ITGA8: variants seen among roughly 807,000 people sequenced by gnomAD.
ITGA8 encodes the protein integrin subunit alpha 8.
In ITGA8, 91 loss-of-function variants were observed where a neutral mutation model predicts 142.3. The ratio of observed to expected loss-of-function variants is 0.64; its 90% CI spans 0.54 to 0.76. ITGA8 has a LOEUF of 0.76. ITGA8 is among the 30% of genes least tolerant of loss of function. The pLI is 0.00. For synonymous variants in ITGA8, 505 were observed against 485.2 expected (o/e 1.04, Z -0.54); for missense variants, 1,406 against 1,327.7 (o/e 1.06, Z -0.92).
Position 15,659,030 on chromosome 10 carries a change from A to G in ITGA8, c.917T>C (p.Met306Thr). 4 of 1,608,058 alleles carry G rather than the reference A, an allele frequency of 2.5e-6. No homozygotes were observed. Among genetic ancestry groups the G allele is most frequent in the Non-Finnish European group, 3.4e-6 (4 of 1,176,122 alleles). Residue 306 changes from methionine (M) to threonine (T), a missense_variant, in exon 10 of 30, where the codon ATG becomes ACG. Coordinates refer to ENST00000378076, the MANE Select transcript of ITGA8 (RefSeq NM_003638.3). ...TCCCGTGAAATTCTGAATAAACGTC[A>G]TATCCGTAGAGTTAATGATGGAAAC... is the stretch of plus-strand genomic sequence containing the variant. ...GYVSIINSTD[M>T]TFIQNFTGEQ...
In ITGA8 at chr10:15,527,906, C is replaced by CTTTTT. The variant is rs34758919; in HGVS notation, c.2982+3139_2982+3143dup. On this transcript the variant is annotated intron_variant, in intron 28 of 29. Coordinates refer to ENST00000378076, the MANE Select transcript of ITGA8 (RefSeq NM_003638.3). ...TTAAAGCAATTCCCTTTCGGCTGGGCTTTTTTTTTTTTTTTTTTTTTTTTT... is the reference window on the plus strand; with the variant it reads ...TTAAAGCAATTCCCTTTCGGCTGGGCTTTTTTTTTTTTTTTTTTTTTTTTTTTTTT... Among the ~76,000 whole-genome samples, 24 of 78,060 alleles carry CTTTTT rather than the reference C, an allele frequency of 3.1e-4. 9 individuals carry two copies. Among genetic ancestry groups the CTTTTT allele is most frequent in the African/African-American group, 6.8e-4 (13 of 19,014 alleles). The allele number at this position is 78,060 out of a possible 152,430, so 51.2% of individuals were successfully genotyped here.
At chr10:15,630,660 G>A (rs1389818061) in intron 13 of ITGA8, among the ~76,000 whole-genome samples, 1 of 151,860 alleles carries the variant, frequency 6.6e-6, no homozygotes, top group Non-Finnish European at 1.5e-5. Context: ...GAGGCAGAAG[G>A]GATGCATCAG....
chr10:15,649,168 T>C (rs1834040736), intron 11 of ITGA8, among the ~76,000 whole-genome samples: 1 of 152,060 alleles, frequency 6.6e-6, no homozygotes, highest in Non-Finnish European at 1.5e-5. Context: ...CTAGGGGCAT[T>C]CCAACTAATT....
At chr10:15,555,888 G>A (rs561888397) in intron 26 of ITGA8, among the ~76,000 whole-genome samples, 11 of 151,248 alleles carry the variant, frequency 7.3e-5, no homozygotes, top group Non-Finnish European at 1.3e-4. Flanking sequence ...TAGTAGAGAC[G>A]GGGTTTCACC....
intron 11 of ITGA8, among the ~76,000 whole-genome samples, chr10:15,650,548 A>G (rs1025213691): frequency 2.0e-4 from 30 of 152,162 alleles, no homozygotes; most frequent in Non-Finnish European, 7.3e-5. Flanking sequence ...GAGGGTCCCC[A>G]CCAGCAAGAA....
chr10:15,634,448 A>G (rs1475926650), intron 13 of ITGA8, among the ~76,000 whole-genome samples: 2 of 152,164 alleles, frequency 1.3e-5, no homozygotes, highest in African/African-American at 2.4e-5. Flanking sequence ...TTTACCACTG[A>G]GAAAACTGAG....
chr10:15,598,541 G>A (rs1048662114), intron 20 of ITGA8, among the ~76,000 whole-genome samples: 7 of 152,152 alleles, frequency 4.6e-5, no homozygotes, highest in Non-Finnish European at 7.3e-5. Context: ...GAGAATATAA[G>A]CTTCAAGAAG....
chr10:15,551,552 T>C (rs1833793201), intron 26 of ITGA8, among the ~76,000 whole-genome samples: 1 of 151,858 alleles, frequency 6.6e-6, no homozygotes, highest in Non-Finnish European at 1.5e-5. Flanking sequence ...GCTACAGAAA[T>C]AGCAGGGGCC....
At chr10:15,665,841 AT>A (rs1167172063) in intron 8 of ITGA8, among the ~76,000 whole-genome samples, 1 of 151,994 alleles carries the variant, frequency 6.6e-6, no homozygotes, top group Non-Finnish European at 1.5e-5. Context: ...ATGCGGCATT[AT>A]TTCTGAGGGC....
At chr10:15,527,509 C>T (rs1022694102) in intron 28 of ITGA8, among the ~76,000 whole-genome samples, 2 of 152,178 alleles carry the variant, frequency 1.3e-5, no homozygotes, top group African/African-American at 4.8e-5. Context: ...TCAGTTTCTT[C>T]TGTTGCACTG....
At chr10:15,584,982 A>C (rs1253831205) in intron 23 of ITGA8, among the ~76,000 whole-genome samples, 1 of 152,112 alleles carries the variant, frequency 6.6e-6, no homozygotes, top group East Asian at 1.9e-4. Flanking sequence ...TGAACCCAGG[A>C]GGTGGAGGTT....
intron 27 of ITGA8, among the ~76,000 whole-genome samples, chr10:15,538,393 T>A (rs1320990750): frequency 6.6e-6 from 1 of 151,264 alleles, no homozygotes; most frequent in Non-Finnish European, 1.5e-5. Flanking sequence ...GTGCCTGTAA[T>A]CCCAGCTACT....
At chr10:15,670,684 CT>C (rs1316184917) in intron 8 of ITGA8, among the ~76,000 whole-genome samples, 12 of 152,174 alleles carry the variant, frequency 7.9e-5, no homozygotes, top group African/African-American at 2.7e-4. Context: ...GATTTGTTCT[CT>C]TTTTTTCTTT....
At chr10:15,665,252 T>G (rs563063994) in intron 8 of ITGA8, among the ~76,000 whole-genome samples, 25 of 152,336 alleles carry the variant, frequency 1.6e-4, no homozygotes, top group Admixed American at 5.2e-4. Context: ...TGATTTGCAT[T>G]TCTCTGATGG....
At position 15,660,981 on chromosome 10, in the gene ITGA8, A is replaced by G. The variant is rs373484512; in HGVS notation, c.848-59T>C. 3.3e-5 allele frequency: 46 copies of G among 1,377,080 alleles called. No individual in the cohort carries two copies. The South Asian group carries it at 3.7e-4, about 11-fold the overall frequency. The allele number at this position is 1,377,080 out of a possible 1,614,324, so 85.3% of individuals were successfully genotyped here. On this transcript the variant is annotated intron_variant, in intron 8 of 29. Coordinates refer to ENST00000378076, the MANE Select transcript of ITGA8 (RefSeq NM_003638.3). ...TACTCACACACACAAACACACACAC[A>G]CACGCCATATACTAAAAGTGGTAAA...
At chr10:15,578,614 C>T (rs932975476) in intron 23 of ITGA8, among the ~76,000 whole-genome samples, 3 of 152,108 alleles carry the variant, frequency 2.0e-5, no homozygotes, top group Admixed American at 6.5e-5. Context: ...TGTTTCAAAT[C>T]CTTGTTTTCA....
chr10:15,594,598 C>T (rs745914411), intron 21 of ITGA8, among the ~76,000 whole-genome samples: 12 of 152,068 alleles, frequency 7.9e-5, no homozygotes, highest in Non-Finnish European at 1.6e-4. Flanking sequence ...GCCTGGCCAA[C>T]ATGGTGAAAC....
chr10:15,553,121 G>A (rs1264585029), intron 26 of ITGA8, among the ~76,000 whole-genome samples: 2 of 152,114 alleles, frequency 1.3e-5, no homozygotes, highest in African/African-American at 4.8e-5. Flanking sequence ...GCCGGGCATG[G>A]TGGTGGGCAC....
chr10:15,608,783 A>AG (rs1833243729), intron 15 of ITGA8, among the ~76,000 whole-genome samples: 1 of 152,136 alleles, frequency 6.6e-6, no homozygotes, highest in African/African-American at 2.4e-5. Flanking sequence ...GGTGAGGAAC[A>AG]GGGCTTTGAA....
Sources: allele counts gnomAD v4.1 joint callset (sites outside exome capture counted in the v4.1 genomes callset), GRCh38; gene constraint gnomAD v4.1.1; transcripts MANE v1.5; gene names NCBI Gene and HGNC (gene_info 2026-07-23, HGNC 2026-07-21).